Variants in LSM4 observed in about 807,000 individuals in gnomAD.
LSM4 encodes LSM4 homolog, U6 small nuclear RNA and mRNA degradation associated.
A neutral mutation model predicts 22.3 loss-of-function variants in LSM4; 15 were observed. The ratio of observed to expected loss-of-function variants is 0.67; its 90% CI spans 0.45 to 1.03. The LOEUF (loss-of-function observed/expected upper bound fraction) is 1.03. LSM4 is among the 50% of genes least tolerant of loss of function. The probability of loss-of-function intolerance (pLI) is 0.00; values close to 1 mark genes in which losing one functional copy is unlikely to be tolerated. For missense variants in LSM4, 127 were observed against 198.0 expected, an observed-to-expected ratio of 0.64 and a Z score of 2.15; for synonymous variants, 90 against 79.8, an observed-to-expected ratio of 1.13 and a Z score of -0.68.
At chr19:18,308,115 T>C (rs1568296550) in intron 4 of LSM4, among the ~76,000 whole-genome samples, 1 of 152,142 alleles carries the variant, frequency 6.6e-6, no homozygotes, top group African/African-American at 2.4e-5. Context: ...AAATGACATT[T>C]TCCATGAAGC....
chr19:18,309,470 C>T (rs560195643), intron 4 of LSM4: 237 of 573,674 alleles, frequency 4.1e-4, no homozygotes, highest in Middle Eastern at 3.2e-3. Flanking sequence ...CCCTGAGGAC[C>T]GCCAGGAGGC....
At chr19:18,315,570 T>C (rs1442614368) in intron 2 of LSM4, among the ~76,000 whole-genome samples, 1 of 152,052 alleles carries the variant, frequency 6.6e-6, no homozygotes, top group East Asian at 1.9e-4. Context: ...GAGACAAGGT[T>C]TCACTCTGTC....
chr19:18,312,239 C>T (rs539756828), intron 3 of LSM4: 3 of 191,502 alleles, frequency 1.6e-5, no homozygotes, highest in South Asian at 9.8e-5. Context: ...TACCATGGCC[C>T]GCAGAGTGCA....
chr19:18,318,740 T>G (rs1413172532), intron 1 of LSM4, among the ~76,000 whole-genome samples: 4 of 152,190 alleles, frequency 2.6e-5, no homozygotes, highest in Admixed American at 6.5e-5. Flanking sequence ...ACAGCAGAAG[T>G]GACCTGCCCA....
chr19:18,308,152 G>A (rs1970253851), intron 4 of LSM4, among the ~76,000 whole-genome samples: 1 of 152,206 alleles, frequency 6.6e-6, no homozygotes, highest in South Asian at 2.1e-4. Context: ...TGTGGCCACT[G>A]GGGAGGTGAC....
chr19:18,316,309 C>T, intron 1 of LSM4: 1 of 418,504 alleles, frequency 2.4e-6, no homozygotes, highest in Non-Finnish European at 4.4e-6. Context: ...TGGCCACCAC[C>T]TGCTCTTGGT....
At chr19:18,316,337 ATTTTTTTTTT>A (rs35435536) in intron 1 of LSM4, 28 of 123,258 alleles carry the variant, frequency 2.3e-4, no homozygotes, top group Non-Finnish European at 3.9e-4. Flanking sequence ...ACTCTGGTCA[ATTTTTTTTTT>A]TTTTTTTTTT....
chr19:18,316,435 G>A (rs1469864832), intron 1 of LSM4, among the ~76,000 whole-genome samples: 1 of 144,580 alleles, frequency 6.9e-6, no homozygotes, highest in Non-Finnish European at 1.5e-5. Context: ...TCCACCTCCC[G>A]TGTTCAAGCC....
chr19:18,307,630 C>T lies in LSM4; in HGVS notation c.329-75G>A, dbSNP rs544766598. 423 of 1,123,780 alleles carry T rather than the reference C, an allele frequency of 3.8e-4. 4 individuals are homozygous for T. In the South Asian group the frequency reaches 7.4e-3, roughly 20 times the overall value. 69.6% of individuals were successfully genotyped at this position (1,123,780 alleles called of 1,614,324 possible). A position where few individuals can be genotyped will look rare whatever the true frequency, so the allele number is the denominator to read the frequency against. On this transcript the variant is annotated intron_variant, in intron 4 of 4. Coordinates refer to ENST00000593829, the MANE Select transcript of LSM4 (RefSeq NM_012321.5). ...TCGACAGGATCCCGGCGCCCTGAAA[C>T]TCTAGGCCAGGTCACCTAAGTCTCC...
chr19:18,311,360 C>T (rs1006359134), intron 3 of LSM4, among the ~76,000 whole-genome samples: 1 of 152,168 alleles, frequency 6.6e-6, no homozygotes, highest in African/African-American at 2.4e-5. Flanking sequence ...CGCCTCTCCT[C>T]CCAGCCACAT....
intron 1 of LSM4, among the ~76,000 whole-genome samples, chr19:18,321,323 C>G (rs4808783): frequency 0.75 from 114,420 of 152,166 alleles, 43,193 homozygotes; most frequent in South Asian, 0.85. Flanking sequence ...CTAAGTACAC[C>G]GCAGAGAGGG....
At chr19:18,315,967 C>T in intron 2 of LSM4, 57 bp downstream of exon 2, 3 of 1,565,890 alleles carry the variant, frequency 1.9e-6, no homozygotes, top group Non-Finnish European at 1.8e-6. Context: ...AGCCACCGCC[C>T]CTGTGCTGAG....
chr19:18,307,222 G>A lies in LSM4; in HGVS notation c.*242C>T. The A allele has an allele frequency of 2.4e-6, 1 of 416,458 alleles. No individual in the cohort carries two copies. 25.8% of individuals were successfully genotyped at this position (416,458 alleles called of 1,614,324 possible). On this transcript the variant is annotated 3_prime_UTR_variant, in exon 5 of 5. Transcript: ENST00000593829. ...ATGCCTTCAACACAGACTCTTCTAG[G>A]AATCCAGCCAGTTTTGGGACGGCCG...
At chr19:18,315,931 C>A in intron 2 of LSM4, 93 bp downstream of exon 2, 1 of 1,141,492 alleles carries the variant, frequency 8.8e-7, no homozygotes, top group Non-Finnish European at 1.3e-6. Flanking sequence ...TGCTGGTGGA[C>A]AGGCAGGCCA....
intron 1 of LSM4, among the ~76,000 whole-genome samples, chr19:18,317,771 T>C (rs1970374735): frequency 6.6e-6 from 1 of 152,038 alleles, no homozygotes; most frequent in South Asian, 2.1e-4. Context: ...CCTCAGGGAA[T>C]CCTCCCATCT....
intron 4 of LSM4, chr19:18,309,393 T>C: frequency 2.1e-6 from 1 of 469,550 alleles, no homozygotes; most frequent in East Asian, 3.7e-5. Flanking sequence ...GCCAGCGGCC[T>C]GGACAGATGG....
At chr19:18,319,157 G>A (rs144363557) in intron 1 of LSM4, among the ~76,000 whole-genome samples, 3,592 of 152,126 alleles carry the variant, frequency 0.024, 71 homozygotes, top group East Asian at 0.058. Flanking sequence ...CAGGAGAATC[G>A]CTTGAAACCA....
At chr19:18,308,537 C>T (rs1261551692) in intron 4 of LSM4, among the ~76,000 whole-genome samples, 1 of 152,258 alleles carries the variant, frequency 6.6e-6, no homozygotes, top group Non-Finnish European at 1.5e-5. Flanking sequence ...GTGCCAGGGG[C>T]CAGAGGCCAG....
intron 2 of LSM4, among the ~76,000 whole-genome samples, 161 bp from the exon 3 acceptor site, chr19:18,312,863 C>T (rs941291024): frequency 4.6e-5 from 7 of 152,210 alleles, no homozygotes; most frequent in Admixed American, 3.3e-4. Flanking sequence ...ACAGGCTCTG[C>T]CTCCGCTAGA....
Sources: gnomAD v4.1 joint callset for allele counts (sites outside exome capture counted in the v4.1 genomes callset) on GRCh38, gnomAD v4.1.1 for gene constraint, MANE v1.5 for transcripts, NCBI Gene and HGNC (gene_info 2026-07-23, HGNC 2026-07-21) for gene names.